Variants in MMP12 observed in about 807,000 individuals in gnomAD.
MMP12 encodes the protein matrix metallopeptidase 12, also known as macrophage metalloelastase.
A neutral mutation model predicts 45.2 loss-of-function variants in MMP12; 51 were observed. That is an observed-to-expected ratio of 1.13 (90% CI 0.90 to 1.42). MMP12 has a LOEUF of 1.42. MMP12 is among the 40% of genes most tolerant of loss of function. The pLI is 0.00. For synonymous variants in MMP12, 210 were observed against 193.3 expected (o/e 1.09, Z -0.72); for missense variants, 530 against 570.8 (o/e 0.93, Z 0.73).
At chr11:102,873,176 A>T (rs1859533848) in intron 1 of MMP12, 64 bp from the exon 2 acceptor site, 2 of 1,429,278 alleles carry the variant, frequency 1.4e-6, no homozygotes, top group South Asian at 2.6e-5. Context: ...TGGGAGCTCC[A>T]CATATATGAC....
rs1859494482 is a variant in MMP12, at chr11:102,871,505, A to G, written c.625+89T>C. Reference sequence around the variant, plus strand: ...CATTTGTCAGAATGTAGTCTCTCGAAACCAGAATTTTGAATTTGTTAGGGT... The same window carrying G: ...CATTTGTCAGAATGTAGTCTCTCGAGACCAGAATTTTGAATTTGTTAGGGT... On this transcript the variant is annotated intron_variant, in intron 4 of 9. Coordinates refer to ENST00000571244, the MANE Select transcript of MMP12 (RefSeq NM_002426.6). The G allele has an allele frequency of 2.7e-6, 4 of 1,482,608 alleles. No individual in the cohort carries two copies. The East Asian group carries it at 9.9e-5, about 37-fold the overall frequency. The allele number at this position is 1,482,608 out of a possible 1,614,324, so 91.8% of individuals were successfully genotyped here.
chr11:102,864,651 C>T (rs1253105223), intron 8 of MMP12, among the ~76,000 whole-genome samples: 2 of 152,142 alleles, frequency 1.3e-5, no homozygotes, highest in African/African-American at 4.8e-5. Flanking sequence ...GGTCAAGGGG[C>T]TAAGAGCCAG....
At position 102,867,359 on chromosome 11, in the gene MMP12, A is replaced by G; in HGVS notation, c.822T>C (p.Pro274=). 1 of 1,611,504 alleles carries G rather than the reference A, an allele frequency of 6.2e-7. No homozygotes were observed. Among genetic ancestry groups the G allele is most frequent in the South Asian group, 1.1e-5 (1 of 90,348 alleles). ...DPKENQRLPN[P]DNSEPALCDP... ...CACAGAGAGCTGGTTCTGAATTGTC[A>G]GGATTTGGCAAGCGTTGGTTCTCTT... is the stretch of plus-strand genomic sequence containing the variant. Residue 274 remains proline, a synonymous_variant, in exon 6 of 10, where the codon CCT becomes CCC. Transcript: ENST00000571244.
Position 102,873,056 on chromosome 11 carries a change from C to A in MMP12, c.159G>T (p.Met53Ile). ...CCTTCATTAAGTTTCCACTATATTT[C>A]ATTTTTGTCACTGGAAGTTTGTTTA... ...LEINKLPVTK[M>I]KYSGNLMKEK... Residue 53 changes from methionine to isoleucine, a missense_variant, in exon 2 of 10, where the codon ATG becomes ATT. Met to Ile is a conservative substitution (Grantham distance 10, BLOSUM62 1). Coordinates refer to ENST00000571244, the MANE Select transcript of MMP12 (RefSeq NM_002426.6). 1 of 1,612,952 alleles carries A rather than the reference C, an allele frequency of 6.2e-7. No homozygotes were observed. Among genetic ancestry groups the A allele is most frequent in the Middle Eastern group, 1.6e-4 (1 of 6,062 alleles).
In MMP12 at chr11:102,865,032, T is replaced by TA. The variant is rs1270297956; in HGVS notation, c.1205+743dup. On this transcript the variant is annotated intron_variant, in intron 8 of 9. Transcript: ENST00000571244. The surrounding 1 kb of genome is among the most constrained non-coding windows in gnomAD (Gnocchi z 4.1). ...GAGCTCTTTGGAAAGTGTTATTTGC[T>TA]AAAATCAAGTTTTGTTTCTCAAACA... 6.6e-6 allele frequency among the ~76,000 whole-genome samples: 1 copy of TA among 152,238 alleles called. No homozygotes were observed. The highest frequency in any genetic ancestry group is 6.5e-5 in the Admixed American group (1 of 15,284).
At chr11:102,874,688 A>C in intron 1 of MMP12, 148 bp downstream of exon 1, 1 of 529,022 alleles carries the variant, frequency 1.9e-6, no homozygotes, top group Non-Finnish European at 3.4e-6. Flanking sequence ...AGTAAAACTT[A>C]ATACTGAAAG....
intron 9 of MMP12, 32 bp downstream of exon 9, chr11:102,864,114 C>T (rs1012550491): frequency 7.1e-7 from 1 of 1,415,420 alleles, no homozygotes; most frequent in Non-Finnish European, 1.0e-6. Context: ...AATGTTATTT[C>T]CAGTATCTTC....
chr11:102,872,326 C>A (rs782466634), intron 2 of MMP12, among the ~76,000 whole-genome samples: 2 of 151,844 alleles, frequency 1.3e-5, no homozygotes, highest in African/African-American at 4.8e-5. Flanking sequence ...CTTCATTCTC[C>A]TTTTATTTGC....
Position 102,874,828 on chromosome 11 carries a change from A to G in MMP12, c.102+8T>C, listed in dbSNP as rs201225458. The G allele has an allele frequency of 6.5e-7, 1 of 1,544,216 alleles. No homozygotes were observed. Among genetic ancestry groups the G allele is most frequent in the Non-Finnish European group, 8.9e-7 (1 of 1,125,116 alleles). The stretch of plus-strand genomic sequence containing the variant: ...AAGCTCGATAAATACTGTAGTGTCC[A>G]TACTTACTTCACCAAATAGCACATT... On this transcript the variant is annotated splice_region_variant and intron_variant, in intron 1 of 9. Transcript: ENST00000571244.
At chr11:102,872,499 C>T (rs1049868802) in intron 2 of MMP12, among the ~76,000 whole-genome samples, 2 of 152,078 alleles carry the variant, frequency 1.3e-5, no homozygotes, top group Non-Finnish European at 2.9e-5. Context: ...CGCCACCACG[C>T]CCAGCTAATT....
intron 4 of MMP12, among the ~76,000 whole-genome samples, chr11:102,870,556 G>C (rs1300802281): frequency 6.6e-6 from 1 of 152,162 alleles, no homozygotes; most frequent in Non-Finnish European, 1.5e-5. Context: ...CCACATGAGG[G>C]AGTCATAGAA....
chr11:102,871,797 TC>T lies in MMP12; in HGVS notation c.499+6del. The T allele has an allele frequency of 6.2e-7, 1 of 1,613,054 alleles. No individual in the cohort carries two copies. The highest frequency in any genetic ancestry group is 1.1e-5 in the South Asian group (1 of 90,854). On this transcript the variant is annotated splice_donor_region_variant and intron_variant, in intron 3 of 9. Transcript: ENST00000571244. Reference sequence around the variant, plus strand: ...CAAATGACAAAGATGAAATACAAGTTCCCTACCTCCACGGGCAAAAACCACC... The same window carrying T: ...CAAATGACAAAGATGAAATACAAGTTCCTACCTCCACGGGCAAAAACCACC...
At chr11:102,867,622 T>C (rs1354943480) in intron 5 of MMP12, among the ~76,000 whole-genome samples, 1 of 152,156 alleles carries the variant, frequency 6.6e-6, no homozygotes, top group African/African-American at 2.4e-5. Context: ...CCAGTTATAA[T>C]AGATTGTTTA....
chr11:102,866,500 C>T, intron 6 of MMP12, 52 bp from the exon 7 acceptor site: 2 of 1,582,650 alleles, frequency 1.3e-6, no homozygotes, highest in Non-Finnish European at 1.7e-6. Flanking sequence ...GACTCAAGAA[C>T]CATGGCATGT....
chr11:102,866,510 T>C, intron 6 of MMP12, 62 bp from the exon 7 acceptor site: 1 of 1,551,828 alleles, frequency 6.4e-7, no homozygotes, highest in South Asian at 1.2e-5. Flanking sequence ...CCATGGCATG[T>C]GAATGGGAGG....
chr11:102,869,324 A>T (rs782141447), intron 4 of MMP12, among the ~76,000 whole-genome samples: 1 of 152,096 alleles, frequency 6.6e-6, no homozygotes, highest in Non-Finnish European at 1.5e-5. Flanking sequence ...TTTCTGTATC[A>T]TGGGTCCAGT....
At chr11:102,871,566 T>TGTTC in intron 4 of MMP12, 28 bp downstream of exon 4, 1 of 1,499,034 alleles carries the variant, frequency 6.7e-7, no homozygotes. Flanking sequence ...CTTAGTTTTT[T>TGTTC]GTTTGTTTGT....
At chr11:102,872,388 TGGAGTGCA>T (rs1859515256) in intron 2 of MMP12, among the ~76,000 whole-genome samples, 1 of 152,188 alleles carries the variant, frequency 6.6e-6, no homozygotes, top group Non-Finnish European at 1.5e-5. Flanking sequence ...TTACTTAGGC[TGGAGTGCA>T]GTGGCACGAT....
intron 4 of MMP12, among the ~76,000 whole-genome samples, 185 bp from the exon 5 acceptor site, chr11:102,868,254 C>T (rs893708379): frequency 1.3e-5 from 2 of 152,124 alleles, no homozygotes; most frequent in African/African-American, 4.8e-5. Flanking sequence ...CTGTTCTGTG[C>T]ATTATAGTTG....
Sources: allele counts gnomAD v4.1 joint callset (sites outside exome capture counted in the v4.1 genomes callset), GRCh38; gene constraint gnomAD v4.1.1; non-coding constraint Gnocchi (gnomAD v3.1); transcripts MANE v1.5; gene names NCBI Gene and HGNC (gene_info 2026-07-23, HGNC 2026-07-21).